The following KHDRBS2 variants were observed in gnomAD, a reference collection of about 807,000 sequenced individuals.
KHDRBS2 encodes KH domain-containing, RNA-binding, signal transduction-associated protein 2.
In KHDRBS2, 26 loss-of-function variants were observed where a neutral mutation model predicts 44.3. That is an observed-to-expected ratio of 0.59 (90% CI 0.43 to 0.81). The LOEUF (loss-of-function observed/expected upper bound fraction) is 0.81, where lower values mean the gene tolerates loss of function less well. Ranked by LOEUF, KHDRBS2 falls within the 40% of genes least tolerant of loss-of-function variation. KHDRBS2 has a pLI of 0.00. For missense variants in KHDRBS2, 476 were observed against 433.1 expected (o/e 1.10, Z -0.88); for synonymous variants, 194 against 151.1 (o/e 1.28, Z -2.08).
At chr6:62,103,943 T>G (rs1584720117) in intron 2 of KHDRBS2, among the ~76,000 whole-genome samples, 1 of 152,102 alleles carries the variant, frequency 6.6e-6, no homozygotes, top group African/African-American at 2.4e-5. Flanking sequence ...CAACAGATCT[T>G]TACTATAAGA....
At chr6:61,584,361 C>T in the KHDRBS2 span, among the ~76,000 whole-genome samples, 1 of 151,748 alleles carries the variant, frequency 6.6e-6, no homozygotes, top group African/African-American at 2.4e-5. Context: ...TTCATGGATG[C>T]TCAAATAGCT....
intron 3 of KHDRBS2, among the ~76,000 whole-genome samples, chr6:61,995,029 T>A (rs1334218653): frequency 6.6e-6 from 1 of 152,068 alleles, no homozygotes; most frequent in East Asian, 1.9e-4. Context: ...AAATAAGGTT[T>A]GAAGTAGAAG....
At chr6:61,857,147 C>T (rs1796271234) in intron 6 of KHDRBS2, among the ~76,000 whole-genome samples, 1 of 151,902 alleles carries the variant, frequency 6.6e-6, no homozygotes, top group African/African-American at 2.4e-5. Flanking sequence ...CACGGAGGTC[C>T]TTTTCTTTTC....
At chr6:62,195,260 T>G (rs1287516403) in intron 1 of KHDRBS2, among the ~76,000 whole-genome samples, 1 of 152,210 alleles carries the variant, frequency 6.6e-6, no homozygotes, top group Non-Finnish European at 1.5e-5. Flanking sequence ...TATTTTTGTA[T>G]GCGTTTGCAT....
chr6:61,847,762 T>C (rs1433305702), intron 6 of KHDRBS2, among the ~76,000 whole-genome samples: 1 of 152,062 alleles, frequency 6.6e-6, no homozygotes. Context: ...GGTTTCCGGA[T>C]TGGGAGAATA....
At chr6:62,198,934 C>A (rs1027007670) in intron 1 of KHDRBS2, among the ~76,000 whole-genome samples, 7 of 151,984 alleles carry the variant, frequency 4.6e-5, no homozygotes, top group African/African-American at 1.4e-4. Context: ...TGGTTCAACA[C>A]TCACAAATCA....
At chr6:62,040,152 C>T (rs917924484) in intron 3 of KHDRBS2, among the ~76,000 whole-genome samples, 3 of 151,782 alleles carry the variant, frequency 2.0e-5, no homozygotes, top group African/African-American at 7.3e-5. Context: ...AATTATTTGA[C>T]GGTGGGAGAG....
chr6:62,285,141 G>A (rs556552681), intron 1 of KHDRBS2, among the ~76,000 whole-genome samples: 12 of 152,046 alleles, frequency 7.9e-5, no homozygotes, highest in African/African-American at 2.9e-4. Context: ...ACCTTTCAAA[G>A]CAATGCAAAA....
chr6:61,887,962 T>C (rs983819392), intron 6 of KHDRBS2, among the ~76,000 whole-genome samples: 2 of 152,192 alleles, frequency 1.3e-5, no homozygotes, highest in African/African-American at 4.8e-5. Flanking sequence ...CATTAAATTG[T>C]TTTTAGAAAC....
intron 1 of KHDRBS2, among the ~76,000 whole-genome samples, chr6:62,198,079 T>C (rs1826065481): frequency 6.6e-6 from 1 of 152,100 alleles, no homozygotes; most frequent in Non-Finnish European, 1.5e-5. Flanking sequence ...CGGGGACACA[T>C]TTAAAGCAGT....
intron 2 of KHDRBS2, among the ~76,000 whole-genome samples, chr6:62,152,242 C>A (rs1815363887): frequency 6.6e-6 from 1 of 152,084 alleles, no homozygotes; most frequent in Admixed American, 6.6e-5. Context: ...TGGCTTGAAC[C>A]CGGGAGGCAG....
At chr6:62,133,173 T>C (rs7749735) in intron 2 of KHDRBS2, among the ~76,000 whole-genome samples, 6,697 of 152,196 alleles carry the variant, frequency 0.044, 489 homozygotes, top group African/African-American at 0.15. Context: ...TTAGTGGGAA[T>C]GTAGATTGGT....
intron 3 of KHDRBS2, among the ~76,000 whole-genome samples, chr6:61,987,448 C>T (rs187200632): frequency 3.0e-4 from 46 of 152,194 alleles, no homozygotes; most frequent in Admixed American, 2.6e-3. Context: ...ATTATTATTG[C>T]CATATTTTAC....
the KHDRBS2 span, among the ~76,000 whole-genome samples, chr6:61,560,275 C>G: frequency 1.3e-5 from 2 of 152,068 alleles, no homozygotes; most frequent in African/African-American, 4.8e-5. Flanking sequence ...TAATTAAAGG[C>G]CTTGAAATAG....
At chr6:61,947,201 C>A (rs182794340) in intron 4 of KHDRBS2, among the ~76,000 whole-genome samples, 32 of 152,238 alleles carry the variant, frequency 2.1e-4, no homozygotes, top group African/African-American at 6.5e-4. Context: ...TATAAGACAT[C>A]TGCAAAATGG....
chr6:62,102,695 T>C (rs1401951327), intron 2 of KHDRBS2, among the ~76,000 whole-genome samples: 1 of 151,908 alleles, frequency 6.6e-6, no homozygotes, highest in Admixed American at 6.6e-5. Flanking sequence ...CAGCAGAGGG[T>C]GGGAAGACTA....
intron 8 of KHDRBS2, among the ~76,000 whole-genome samples, chr6:61,689,115 G>T (rs1465251459): frequency 1.3e-5 from 2 of 151,850 alleles, no homozygotes; most frequent in African/African-American, 4.8e-5. Flanking sequence ...ACTCCTGTGA[G>T]CTTCCCTGGT....
intron 3 of KHDRBS2, among the ~76,000 whole-genome samples, chr6:62,006,809 A>C (rs895810233): frequency 2.0e-5 from 3 of 152,058 alleles, no homozygotes; most frequent in Admixed American, 6.6e-5. Flanking sequence ...ATAATAAAGC[A>C]AATTATAGAT....
chr6:62,141,322 T>C (rs1812756643), intron 2 of KHDRBS2, among the ~76,000 whole-genome samples: 1 of 152,120 alleles, frequency 6.6e-6, no homozygotes, highest in South Asian at 2.1e-4. Flanking sequence ...AAACAATATG[T>C]AGAGAAAGTG....
Sources: gnomAD v4.1 joint callset for allele counts (sites outside exome capture counted in the v4.1 genomes callset) on GRCh38, gnomAD v4.1.1 for gene constraint, MANE v1.5 for transcripts, NCBI Gene and HGNC (gene_info 2026-07-23, HGNC 2026-07-21) for gene names.